Variants in CC2D2A observed in about 807,000 individuals in gnomAD.
CC2D2A encodes coiled-coil and C2 domain containing 2A.
CC2D2A carries 155 observed loss-of-function variants against 212.9 expected under a neutral mutation model. The observed-to-expected ratio is 0.73, with a 90% CI of 0.64 to 0.83. The LOEUF (loss-of-function observed/expected upper bound fraction) is 0.83, where lower values mean the gene tolerates loss of function less well. Ranked by LOEUF, CC2D2A falls within the 40% of genes least tolerant of loss-of-function variation. The pLI is 0.00. For missense variants in CC2D2A, 1,856 were observed against 1,956.2 expected (o/e 0.95, Z 0.97); for synonymous variants, 667 against 686.5 (o/e 0.97, Z 0.44).
chr4:15,515,260 C>G (rs914557813), intron 9 of CC2D2A, among the ~76,000 whole-genome samples: 1 of 152,216 alleles, frequency 6.6e-6, no homozygotes, highest in Non-Finnish European at 1.5e-5. Flanking sequence ...CCTGTTGCTG[C>G]CTATCACTCC....
intron 2 of CC2D2A, 137 bp from the exon 3 acceptor site, chr4:15,478,586 T>G: frequency 1.6e-6 from 1 of 643,924 alleles, no homozygotes; most frequent in South Asian, 2.1e-5. Flanking sequence ...CCGCACAGAT[T>G]GTTAACTGTC....
intron 4 of CC2D2A, chr4:15,481,274 C>T (rs1262039178): frequency 3.5e-5 from 16 of 452,766 alleles, no homozygotes; most frequent in Non-Finnish European, 6.2e-5. Context: ...TTTGGAAGGC[C>T]GAGGCGGGTA....
At chr4:15,478,460 T>C (rs938743465) in intron 2 of CC2D2A, among the ~76,000 whole-genome samples, 1 of 152,234 alleles carries the variant, frequency 6.6e-6, no homozygotes, top group Admixed American at 6.5e-5. Context: ...AAATGCTGTA[T>C]GCATGAATGA....
chr4:15,574,126 T>C (rs989708448), intron 28 of CC2D2A, 24 bp from the exon 29 acceptor site: 2 of 1,517,136 alleles, frequency 1.3e-6, no homozygotes, highest in African/African-American at 2.8e-5. Flanking sequence ...TCAGGATGTT[T>C]ACCAAGTCAT....
rs1717558516 is a variant in CC2D2A at position 15,527,301 on chromosome 4, G to A, written c.1150-146G>A. The A allele has an allele frequency of 5.4e-6, 3 of 550,858 alleles. No individual in the cohort carries two copies. In the African/African-American group the frequency reaches 5.6e-5, roughly 10 times the overall value. 34.1% of individuals were successfully genotyped at this position (550,858 alleles called of 1,614,324 possible). A position where few individuals can be genotyped will look rare whatever the true frequency, so the allele number is the denominator to read the frequency against. ...AAAAAAGAGCTGGCCTCTAAAACCT[G>A]GAAATAAGTAATCAAGCATTTTTCA... On this transcript the variant is annotated intron_variant, in intron 11 of 36. Coordinates refer to ENST00000424120, the MANE Select transcript of CC2D2A (RefSeq NM_001378615.1).
chr4:15,569,237 C>T (rs1407014453), intron 26 of CC2D2A, 56 bp from the exon 27 acceptor site: 2 of 927,890 alleles, frequency 2.2e-6, no homozygotes, highest in Non-Finnish European at 3.4e-6. Flanking sequence ...CATTTGAATG[C>T]TCATAATTTC....
intron 13 of CC2D2A, among the ~76,000 whole-genome samples, chr4:15,532,610 AC>A (rs900413473): frequency 2.6e-5 from 4 of 152,242 alleles, no homozygotes; most frequent in Non-Finnish European, 4.4e-5. Context: ...TCATTATGCA[AC>A]AAAATGCATT....
At chr4:15,488,225 T>C (rs535298439) in intron 4 of CC2D2A, among the ~76,000 whole-genome samples, 2 of 152,322 alleles carry the variant, frequency 1.3e-5, no homozygotes, top group African/African-American at 4.8e-5. Flanking sequence ...CCCTTTAGCA[T>C]TTCTTGTAAG....
At chr4:15,547,051 T>C (rs1435413452) in intron 17 of CC2D2A, among the ~76,000 whole-genome samples, 3 of 152,146 alleles carry the variant, frequency 2.0e-5, no homozygotes, top group African/African-American at 4.8e-5. Context: ...TCTGACAAAA[T>C]GACAGGTATA....
In CC2D2A at chr4:15,488,681, A is replaced by G. The variant is rs533752752; in HGVS notation, c.247+7854A>G. Among the ~76,000 whole-genome samples the G allele has an allele frequency of 2.6e-5, 4 of 152,316 alleles. No individual in the cohort carries two copies. The South Asian group carries it at 8.3e-4, about 32-fold the overall frequency. On this transcript the variant is annotated intron_variant, in intron 4 of 36. Coordinates refer to ENST00000424120, the MANE Select transcript of CC2D2A (RefSeq NM_001378615.1). ...TGAGTCTAGGCTGCCCCTCAGTGAT[A>G]CCAGCCCAGCTCCTCACCTTGAACC...
chr4:15,478,896 G>T, intron 3 of CC2D2A, 90 bp downstream of exon 3: 1 of 1,115,994 alleles, frequency 9.0e-7, no homozygotes, highest in Non-Finnish European at 1.3e-6. Context: ...CACAAGGGCA[G>T]CCTTCCTTCT....
intron 20 of CC2D2A, among the ~76,000 whole-genome samples, chr4:15,555,559 C>T (rs1453737322): frequency 6.6e-6 from 1 of 152,070 alleles, no homozygotes; most frequent in Admixed American, 6.6e-5. Context: ...GGCAACATGG[C>T]GAAACCCTAT....
intron 10 of CC2D2A, 125 bp from the exon 11 acceptor site, chr4:15,516,500 T>C: frequency 1.2e-6 from 1 of 850,214 alleles, no homozygotes. Flanking sequence ...TACAGTTCTG[T>C]TGGGGGAGGA....
chr4:15,550,729 G>GACCAGCACAAATACTAAC, intron 17 of CC2D2A, 95 bp from the exon 18 acceptor site: 1 of 890,712 alleles, frequency 1.1e-6, no homozygotes, highest in Non-Finnish European at 1.6e-6. Context: ...CTGGAACAGT[G>GACCAGCACAAATACTAAC]ACCAGCACAA....
intron 26 of CC2D2A, among the ~76,000 whole-genome samples, chr4:15,568,829 G>A (rs1378461229): frequency 6.6e-6 from 1 of 152,194 alleles, no homozygotes; most frequent in Non-Finnish European, 1.5e-5. Context: ...TACAGAAAAG[G>A]TGAGTGTGAG....
intron 26 of CC2D2A, among the ~76,000 whole-genome samples, 183 bp from the exon 27 acceptor site, chr4:15,569,110 T>C (rs1324721005): frequency 1.3e-5 from 2 of 152,222 alleles, no homozygotes; most frequent in African/African-American, 2.4e-5. Context: ...AATGTAATGC[T>C]CTGTCCATTT....
At chr4:15,569,761 C>G (rs961147884) in intron 27 of CC2D2A, among the ~76,000 whole-genome samples, 40 of 152,284 alleles carry the variant, frequency 2.6e-4, no homozygotes, top group African/African-American at 8.2e-4. Flanking sequence ...TTGCAAGAAT[C>G]TATTTATTAT....
chr4:15,550,770 G>A lies in CC2D2A; in HGVS notation c.2182-54G>A, dbSNP rs188616289. The A allele has an allele frequency of 1.6e-3, 2,191 of 1,336,156 alleles. 4 individuals are homozygous for A. The highest frequency in any genetic ancestry group is 2.1e-3 in the Non-Finnish European group (2,062 of 972,402). The allele number at this position is 1,336,156 out of a possible 1,614,324, so 82.8% of individuals were successfully genotyped here. On this transcript the variant is annotated intron_variant, in intron 17 of 36. Coordinates refer to ENST00000424120, the MANE Select transcript of CC2D2A (RefSeq NM_001378615.1). ...AACAACATGGACTGATTATCTGAGC[G>A]TGAGCACACACTACTGCTGTTTTTA... is the stretch of plus-strand genomic sequence containing the variant.
At position 15,601,380 on chromosome 4, in the gene CC2D2A, T is replaced by C. The variant is rs373897309; in HGVS notation, c.4818T>C (p.Val1606=). 1.3e-5 allele frequency: 21 copies of C among 1,578,328 alleles called. No individual in the cohort carries two copies. In the African/African-American group the frequency reaches 2.8e-4, roughly 21 times the overall value. Residue 1606 remains valine (V), a synonymous_variant, in exon 37 of 37, where the codon GTT becomes GTC. Transcript: ENST00000424120. ...AVYIHPYPKN[V]LSVWIYVASL... ...ACATACACCCATACCCCAAAAATGTTTTGTCTGTTTGGATCTATGTTGCCT... is the reference window on the plus strand; with the variant it reads ...ACATACACCCATACCCCAAAAATGTCTTGTCTGTTTGGATCTATGTTGCCT...
Sources: gnomAD v4.1 joint callset for allele counts (sites outside exome capture counted in the v4.1 genomes callset) on GRCh38, gnomAD v4.1.1 for gene constraint, MANE v1.5 for transcripts, NCBI Gene and HGNC (gene_info 2026-07-23, HGNC 2026-07-21) for gene names.